The following PIK3C2A variants were observed in gnomAD, a reference collection of about 807,000 sequenced individuals.
The protein encoded by PIK3C2A is phosphatidylinositol 4-phosphate 3-kinase C2 domain-containing subunit alpha.
A neutral mutation model predicts 204.5 loss-of-function variants in PIK3C2A; 97 were observed. That is an observed-to-expected ratio of 0.47 (90% CI 0.40 to 0.56). The LOEUF (loss-of-function observed/expected upper bound fraction) is 0.56. Among genes scored for constraint, PIK3C2A ranks in the 20% least tolerant of loss-of-function variants. The probability of loss-of-function intolerance (pLI) is 0.00; values close to 1 mark genes in which losing one functional copy is unlikely to be tolerated. For missense variants in PIK3C2A, 1,735 were observed against 1,969.2 expected (o/e 0.88, Z 2.25); for synonymous variants, 653 against 664.4 (o/e 0.98, Z 0.26).
intron 1 of PIK3C2A, among the ~76,000 whole-genome samples, chr11:17,184,866 C>T (rs1181728282): frequency 6.6e-6 from 1 of 152,160 alleles, no homozygotes; most frequent in African/African-American, 2.4e-5. Flanking sequence ...TCATTTGAGC[C>T]TAGGACTTCC....
chr11:17,117,571 G>T lies in PIK3C2A; in HGVS notation c.3136C>A (p.Leu1046Ile), dbSNP rs772005081. 6.2e-7 allele frequency: 1 copy of T among 1,613,698 alleles called. No individual in the cohort carries two copies. Among genetic ancestry groups the T allele is most frequent in the South Asian group, 1.1e-5 (1 of 91,072 alleles). The change falls in exon 19 of 33, where the codon CTT (leucine) becomes ATT (isoleucine). Residue 1046 changes from leucine (L) to isoleucine (I), a missense_variant. Transcript: ENST00000691414. ...SVGGKRLREE[L>I]LKQTKLVQLL... ...TGTACAAGTTTCGTCTGTTTTAGAA[G>T]TTCTTCTCTAAGTCGTTTTCCTCCT...
intron 22 of PIK3C2A, among the ~76,000 whole-genome samples, chr11:17,106,872 C>T (rs1848837615): frequency 6.6e-6 from 1 of 152,214 alleles, no homozygotes; most frequent in African/African-American, 2.4e-5. Context: ...TAAGAACCTT[C>T]CAGAATACGT....
Position 17,145,759 on chromosome 11 carries a change from G to A in PIK3C2A, c.1641-28C>T, listed in dbSNP as rs752899189. Reference sequence around the variant, plus strand: ...GAAAGAAACAACAGTTATTGTGGCTGAAGGATGCTACACACAAAATGATTG... The same window carrying A: ...GAAAGAAACAACAGTTATTGTGGCTAAAGGATGCTACACACAAAATGATTG... On this transcript the variant is annotated intron_variant, in intron 7 of 32. Coordinates refer to ENST00000691414, the MANE Select transcript of PIK3C2A (RefSeq NM_002645.4). The A allele has an allele frequency of 5.1e-6, 8 of 1,568,270 alleles. No homozygotes were observed. In the African/African-American group the frequency reaches 5.4e-5, roughly 11 times the overall value.
At position 17,087,903 on chromosome 11, in the gene PIK3C2A, T is replaced by C. The variant is rs1358511097; in HGVS notation, c.*1835A>G. 6.6e-6 allele frequency: 1 copy of C among 152,190 alleles called. No individual in the cohort carries two copies. Among genetic ancestry groups the C allele is most frequent in the Non-Finnish European group, 1.5e-5 (1 of 68,046 alleles). The allele number at this position is 152,190 out of a possible 1,614,324, so 9.4% of individuals were successfully genotyped here. A position where few individuals can be genotyped will look rare whatever the true frequency, so the allele number is the denominator to read the frequency against. ...TTTAACTACATATGGACCATTAGTG[T>C]TAGGCACCAAAAATTTCAAGTCTTT... On this transcript the variant is annotated 3_prime_UTR_variant, in exon 33 of 33. Coordinates refer to ENST00000691414, the MANE Select transcript of PIK3C2A (RefSeq NM_002645.4).
At chr11:17,152,618 A>T (rs1251141209) in intron 3 of PIK3C2A, among the ~76,000 whole-genome samples, 1 of 152,168 alleles carries the variant, frequency 6.6e-6, no homozygotes, top group Non-Finnish European at 1.5e-5. Flanking sequence ...AAGAGTATTT[A>T]ACTCTAATTT....
chr11:17,142,586 A>C (rs2137413499), intron 8 of PIK3C2A, among the ~76,000 whole-genome samples: 1 of 152,288 alleles, frequency 6.6e-6, no homozygotes, highest in Non-Finnish European at 1.5e-5. Context: ...AGGCCGAAGC[A>C]AGATGATTGT....
intron 27 of PIK3C2A, among the ~76,000 whole-genome samples, chr11:17,096,844 T>C (rs576488034): frequency 1.1e-3 from 169 of 152,322 alleles, no homozygotes; most frequent in African/African-American, 3.9e-3. Context: ...ACTTTACCAC[T>C]CGGTCCTTAT....
intron 2 of PIK3C2A, among the ~76,000 whole-genome samples, chr11:17,167,813 A>G (rs915502359): frequency 6.6e-6 from 1 of 152,206 alleles, no homozygotes; most frequent in African/African-American, 2.4e-5. Flanking sequence ...TTCCCAGGAT[A>G]CACAGATATA....
intron 1 of PIK3C2A, among the ~76,000 whole-genome samples, chr11:17,170,404 A>G (rs1455802017): frequency 6.6e-6 from 1 of 152,236 alleles, no homozygotes; most frequent in East Asian, 1.9e-4. Context: ...ATAATAAGAC[A>G]AAGTGTTAAG....
chr11:17,116,175 T>C (rs1009259959), intron 19 of PIK3C2A, among the ~76,000 whole-genome samples: 2 of 152,198 alleles, frequency 1.3e-5, no homozygotes, highest in Non-Finnish European at 2.9e-5. Flanking sequence ...ATCCAAAATA[T>C]ATAAATAACT....
chr11:17,155,851 A>T (rs1850573669), intron 2 of PIK3C2A, among the ~76,000 whole-genome samples: 1 of 152,198 alleles, frequency 6.6e-6, no homozygotes, highest in Non-Finnish European at 1.5e-5. Flanking sequence ...AATAGTAGAA[A>T]CAGGCTATAC....
chr11:17,199,198 T>C (rs758374535), intron 1 of PIK3C2A, among the ~76,000 whole-genome samples: 10 of 151,328 alleles, frequency 6.6e-5, no homozygotes, highest in Non-Finnish European at 1.2e-4. Flanking sequence ...CCTACTAGAA[T>C]GGCTATAACT....
In PIK3C2A at chr11:17,102,686, G is replaced by C. The variant is rs773421321; in HGVS notation, c.3827C>G (p.Ala1276Gly). The change falls in exon 24 of 33, where the codon GCA (alanine) becomes GGA (glycine). Residue 1276 changes from alanine (A) to glycine (G), a missense_variant. Ala to Gly is a moderately conservative substitution (Grantham distance 60). Around this residue, in one of 6 missense-constraint regions of PIK3C2A, gnomAD observed 503 missense variants for 669.0 expected, o/e 0.75. Coordinates refer to ENST00000691414, the MANE Select transcript of PIK3C2A (RefSeq NM_002645.4). ...CCTTTTGAAGCTGCCAAACATCTGTGCATGTCCCAAAAACTTTCCAAAGTC... is the reference window on the plus strand; with the variant it reads ...CCTTTTGAAGCTGCCAAACATCTGTCCATGTCCCAAAAACTTTCCAAAGTC... ...HIDFGKFLGH[A>G]QMFGSFKRDR... The C allele has an allele frequency of 3.7e-6, 6 of 1,613,094 alleles. No homozygotes were observed. Among genetic ancestry groups the C allele is most frequent in the Non-Finnish European group, 5.1e-6 (6 of 1,179,564 alleles).
intron 1 of PIK3C2A, among the ~76,000 whole-genome samples, chr11:17,194,858 G>A (rs1200824112): frequency 2.0e-5 from 3 of 150,954 alleles, no homozygotes; most frequent in East Asian, 1.9e-4. Flanking sequence ...GCAGTGAGCC[G>A]AGACTGCGAC....
chr11:17,145,921 C>G lies in PIK3C2A; in HGVS notation c.1582G>C (p.Val528Leu). The change falls in exon 7 of 33, where the codon GTG becomes CTG. Residue 528 changes from valine to leucine, a missense_variant. Val to Leu is a conservative substitution (Grantham distance 32). Transcript: ENST00000691414. ...ARTAEDDETP[V>L]DLNKHLYQIE... is the part of the protein sequence containing the mutation. The stretch of plus-strand genomic sequence containing the variant: ...TGATACAGGTGTTTGTTTAAATCCA[C>G]GGGTGTTTCATCATCTTCTGCCTAA... 1 of 1,613,242 alleles carries G rather than the reference C, an allele frequency of 6.2e-7. No homozygotes were observed. Among genetic ancestry groups the G allele is most frequent in the Non-Finnish European group, 8.5e-7 (1 of 1,179,732 alleles).
intron 3 of PIK3C2A, among the ~76,000 whole-genome samples, chr11:17,152,800 C>G (rs912569911): frequency 6.6e-6 from 1 of 151,460 alleles, no homozygotes; most frequent in African/African-American, 2.4e-5. Context: ...GCACAGATAA[C>G]CAAATCATGC....
chr11:17,104,674 G>A (rs968406120), intron 23 of PIK3C2A, among the ~76,000 whole-genome samples: 4 of 141,948 alleles, frequency 2.8e-5, no homozygotes, highest in East Asian at 2.0e-4. Context: ...GCAGTGAGCC[G>A]AGATAGCGCC....
chr11:17,164,968 G>A (rs1850898706), intron 2 of PIK3C2A, among the ~76,000 whole-genome samples: 2 of 152,086 alleles, frequency 1.3e-5, no homozygotes, highest in African/African-American at 2.4e-5. Context: ...AATAAATGTA[G>A]GGAGACTTAC....
In PIK3C2A at chr11:17,168,856, A is replaced by C. The variant is rs759701359; in HGVS notation, c.886T>G (p.Ser296Ala). 1.2e-6 allele frequency: 2 copies of C among 1,614,152 alleles called. No homozygotes were observed. The highest frequency in any genetic ancestry group is 2.2e-5 in the South Asian group (2 of 91,078). ...VLDHEEEKNV[S>A]SLLAKDPWDA... is the part of the protein sequence containing the mutation. The stretch of plus-strand genomic sequence containing the variant: ...CAAGGATCCTTTGCTAGCAAACTTG[A>C]AACATTTTTCTCTTCCTCATGGTCT... Residue 296 changes from serine to alanine, a missense_variant, in exon 2 of 33, where the codon TCA (serine) becomes GCA (alanine). Transcript: ENST00000691414.
Sources: gnomAD v4.1 joint callset for allele counts (sites outside exome capture counted in the v4.1 genomes callset) on GRCh38, gnomAD v4.1.1 for gene constraint, gnomAD v4.1.1 regional missense constraint, MANE v1.5 for transcripts, NCBI Gene and HGNC (gene_info 2026-07-23, HGNC 2026-07-21) for gene names.